Variants in HDGFL3 observed in about 807,000 individuals in gnomAD.
HDGFL3 encodes the protein hepatoma-derived growth factor-related protein 3.
In HDGFL3, 6 loss-of-function variants were observed where a neutral mutation model predicts 27.6. That is an observed-to-expected ratio of 0.22 (90% CI 0.12 to 0.43). The LOEUF (loss-of-function observed/expected upper bound fraction) is 0.43. Ranked by LOEUF, HDGFL3 falls within the 20% of genes least tolerant of loss-of-function variation. HDGFL3 has a pLI of 1.00. For missense variants in HDGFL3, 207 were observed against 250.1 expected (o/e 0.83, Z 1.16); for synonymous variants, 88 against 88.9 (o/e 0.99, Z 0.05).
chr15:83,148,712 A>G (rs1156451114), intron 5 of HDGFL3, among the ~76,000 whole-genome samples: 1 of 152,186 alleles, frequency 6.6e-6, no homozygotes, highest in East Asian at 1.9e-4. Context: ...GTTGTGGTAT[A>G]CCCATAAAAC....
chr15:83,119,812 A>C, intron 3 of HDGFL3: 2 of 1,425,082 alleles, frequency 1.4e-6, no homozygotes, highest in Non-Finnish European at 1.9e-6. Flanking sequence ...CCATGGGTGC[A>C]CGTCAGACGT....
At chr15:83,144,425 G>A (rs1312530774) in intron 5 of HDGFL3, 1 of 456,042 alleles carries the variant, frequency 2.2e-6, no homozygotes, top group Non-Finnish European at 4.4e-6. Context: ...TGAAGCAAAA[G>A]TGATGGGATG....
intron 1 of HDGFL3, among the ~76,000 whole-genome samples, chr15:83,165,757 T>C (rs962408747): frequency 7.9e-6 from 1 of 126,686 alleles, no homozygotes; most frequent in Non-Finnish European, 1.5e-5. Flanking sequence ...ATTGTGCCAC[T>C]GCACTCCAGC....
At chr15:83,115,529 T>C in exon 4 of HDGFL3, 2 of 461,780 alleles carry the variant, frequency 4.3e-6, no homozygotes, top group South Asian at 3.8e-5. Context: ...GGCAGCCACT[T>C]GTAGGGGAGT....
At chr15:83,159,268 A>G (rs949569631) in intron 2 of HDGFL3, among the ~76,000 whole-genome samples, 1 of 152,260 alleles carries the variant, frequency 6.6e-6, no homozygotes, top group African/African-American at 2.4e-5. Context: ...CAACCAAGAA[A>G]AAAAAAGAAG....
intron 2 of HDGFL3, among the ~76,000 whole-genome samples, chr15:83,159,343 G>T (rs1178603705): frequency 6.6e-6 from 1 of 152,172 alleles, no homozygotes; most frequent in East Asian, 1.9e-4. Flanking sequence ...AGTTCTGGCT[G>T]ACACCCCTAG....
intron 1 of HDGFL3, among the ~76,000 whole-genome samples, chr15:83,170,295 A>G (rs906136233): frequency 2.6e-5 from 4 of 152,258 alleles, no homozygotes; most frequent in Non-Finnish European, 5.9e-5. Context: ...AGCCACGGGC[A>G]TCACATTACC....
At chr15:83,152,983 C>G (rs1180151427) in intron 4 of HDGFL3, among the ~76,000 whole-genome samples, 5 of 148,554 alleles carry the variant, frequency 3.4e-5, no homozygotes, top group African/African-American at 1.2e-4. Context: ...GTCCTCGATA[C>G]GCAGTTCTTT....
chr15:83,155,105 T>G (rs1462555178), intron 4 of HDGFL3, among the ~76,000 whole-genome samples: 1 of 152,176 alleles, frequency 6.6e-6, no homozygotes, highest in Non-Finnish European at 1.5e-5. Context: ...GCTCAAGAGA[T>G]CCACTTGTCT....
At chr15:83,119,734 G>C (rs1253827510) in intron 3 of HDGFL3, 5 of 1,610,326 alleles carry the variant, frequency 3.1e-6, no homozygotes, top group African/African-American at 1.3e-5. Context: ...CCGATAAGCG[G>C]GTATGTAAGG....
At chr15:83,192,143 T>C (rs1389243126) in intron 1 of HDGFL3, 1 of 334,146 alleles carries the variant, frequency 3.0e-6, no homozygotes, top group African/African-American at 2.2e-5. Context: ...GGTTTCACCA[T>C]GTTGGCCAGG....
At position 83,196,221 on chromosome 15, in the gene HDGFL3, T is replaced by TATTTATTAAGTCAATATACTTATTGACTC. The variant is rs1317282364; in HGVS notation, c.84+11081_84+11109dup. Among the ~76,000 whole-genome samples the TATTTATTAAGTCAATATACTTATTGACTC allele has an allele frequency of 1.1e-3, 171 of 151,926 alleles. 1 individual carries two copies. Among genetic ancestry groups the TATTTATTAAGTCAATATACTTATTGACTC allele is most frequent in the Non-Finnish European group, 1.9e-3 (127 of 67,856 alleles). The stretch of plus-strand genomic sequence containing the variant: ...TATTTGTCCATTATATTTATTGACT[T>TATTTATTAAGTCAATATACTTATTGACTC]ATTTATTAAGTCAATATACTTATTG... On this transcript the variant is annotated intron_variant, in intron 1 of 5. Coordinates refer to ENST00000299633, the MANE Select transcript of HDGFL3 (RefSeq NM_016073.4).
At chr15:83,206,965 G>A (rs1009108815) in intron 1 of HDGFL3, among the ~76,000 whole-genome samples, 1 of 152,212 alleles carries the variant, frequency 6.6e-6, no homozygotes, top group Non-Finnish European at 1.5e-5. Flanking sequence ...GTTCGCCCGG[G>A]ACCCAGGGTA....
chr15:83,179,949 G>A (rs1289974803), intron 1 of HDGFL3: 2 of 152,396 alleles, frequency 1.3e-5, no homozygotes, highest in African/African-American at 2.4e-5. Context: ...GGGAAAGAGA[G>A]AAAGGGAGAA....
At chr15:83,181,214 T>A (rs762625281) in intron 1 of HDGFL3, among the ~76,000 whole-genome samples, 9 of 152,272 alleles carry the variant, frequency 5.9e-5, no homozygotes, top group Admixed American at 2.6e-4. Flanking sequence ...TTTAACTAAG[T>A]TGTATATAGC....
intron 1 of HDGFL3, among the ~76,000 whole-genome samples, chr15:83,170,190 T>C (rs2037229031): frequency 1.3e-5 from 2 of 152,264 alleles, no homozygotes; most frequent in Admixed American, 6.5e-5. Flanking sequence ...ACTACCAAGA[T>C]CATTTTTCAC....
At chr15:83,124,492 T>C (rs987369289), downstream of HDGFL3, among the ~76,000 whole-genome samples, 1 of 152,128 alleles carries the variant, frequency 6.6e-6, no homozygotes, top group Non-Finnish European at 1.5e-5. Context: ...ATTTCACAGA[T>C]AAGGAAATTG....
intron 1 of HDGFL3, among the ~76,000 whole-genome samples, chr15:83,169,417 A>C (rs2037216899): frequency 1.3e-5 from 1 of 75,214 alleles, no homozygotes; most frequent in Non-Finnish European, 2.4e-5. Flanking sequence ...TCCGTCTCAA[A>C]AAAAAAAAAA....
intron 1 of HDGFL3, among the ~76,000 whole-genome samples, chr15:83,164,277 T>C (rs1408492657): frequency 1.4e-5 from 2 of 139,784 alleles, no homozygotes; most frequent in African/African-American, 2.7e-5. Context: ...ACCATTATAA[T>C]AATTTATAAG....
Sources: gnomAD v4.1 joint callset for allele counts (sites outside exome capture counted in the v4.1 genomes callset) on GRCh38, gnomAD v4.1.1 for gene constraint, MANE v1.5 for transcripts, NCBI Gene and HGNC (gene_info 2026-07-23, HGNC 2026-07-21) for gene names.